The following KCNQ3 variants were observed in gnomAD, a reference collection of about 807,000 sequenced individuals.
The protein encoded by KCNQ3 is potassium voltage-gated channel subfamily KQT member 3.
A neutral mutation model predicts 92.5 loss-of-function variants in KCNQ3; 30 were observed. That is an observed-to-expected ratio of 0.32 (90% CI 0.24 to 0.44). The LOEUF (loss-of-function observed/expected upper bound fraction) is 0.44, where lower values mean the gene tolerates loss of function less well. Ranked by LOEUF, KCNQ3 falls within the 20% of genes least tolerant of loss-of-function variation. The pLI, the probability that KCNQ3 is intolerant of heterozygous loss-of-function variation, is 1.00. For missense variants in KCNQ3, 913 were observed against 1,140.3 expected (o/e 0.80, Z 2.87); for synonymous variants, 450 against 468.8 (o/e 0.96, Z 0.52).
intron 1 of KCNQ3, among the ~76,000 whole-genome samples, chr8:132,343,539 G>T (rs771607342): frequency 2.6e-5 from 4 of 152,114 alleles, no homozygotes; most frequent in Admixed American, 6.6e-5. Context: ...TAAACTCACA[G>T]GAGTCAACCC....
At chr8:132,461,870 T>A (rs1260706380) in intron 1 of KCNQ3, among the ~76,000 whole-genome samples, 2 of 152,378 alleles carry the variant, frequency 1.3e-5, no homozygotes, top group East Asian at 3.9e-4. Flanking sequence ...TTTAATTGAA[T>A]TGTTTTCCTT....
chr8:132,218,041 T>C (rs938763799), intron 1 of KCNQ3, among the ~76,000 whole-genome samples: 4 of 152,156 alleles, frequency 2.6e-5, no homozygotes, highest in Non-Finnish European at 5.9e-5. Context: ...TAATAGAGGA[T>C]GGAAAAACCT....
intron 1 of KCNQ3, among the ~76,000 whole-genome samples, chr8:132,248,844 G>A (rs1171371662): frequency 6.6e-6 from 1 of 152,228 alleles, no homozygotes; most frequent in Non-Finnish European, 1.5e-5. Context: ...TGTTGGGAAA[G>A]AGGTATTTGT....
intron 1 of KCNQ3, among the ~76,000 whole-genome samples, chr8:132,227,166 G>C (rs1464604149): frequency 1.3e-5 from 2 of 150,286 alleles, no homozygotes; most frequent in East Asian, 3.9e-4. Flanking sequence ...TGGTTCAACT[G>C]ATTCTCCTGG....
At chr8:132,479,499 C>A (rs1822492802) in intron 1 of KCNQ3, among the ~76,000 whole-genome samples, 1 of 152,114 alleles carries the variant, frequency 6.6e-6, no homozygotes. Flanking sequence ...TAGACACACA[C>A]GTTCCCATTC....
intron 1 of KCNQ3, among the ~76,000 whole-genome samples, chr8:132,433,356 G>T (rs905903896): frequency 1.3e-5 from 2 of 152,216 alleles, no homozygotes; most frequent in Non-Finnish European, 2.9e-5. Context: ...GAGAAGGACT[G>T]GGAACAGCCA....
chr8:132,223,507 G>GGAGT (rs1814305038), intron 1 of KCNQ3, among the ~76,000 whole-genome samples: 1 of 152,306 alleles, frequency 6.6e-6, no homozygotes, highest in South Asian at 2.1e-4. Context: ...ATTTGTATTA[G>GGAGT]TTATAATTAA....
At chr8:132,425,372 A>T (rs1821081974) in intron 1 of KCNQ3, among the ~76,000 whole-genome samples, 1 of 152,254 alleles carries the variant, frequency 6.6e-6, no homozygotes. Flanking sequence ...CCTTGAGACA[A>T]GTAAATTCTC....
At chr8:132,184,927 G>T (rs1045377529) in intron 2 of KCNQ3, among the ~76,000 whole-genome samples, 12 of 152,212 alleles carry the variant, frequency 7.9e-5, no homozygotes, top group African/African-American at 2.9e-4. Context: ...GGAGAAGAAG[G>T]GATCTCAGGC....
At position 132,249,481 on chromosome 8, in the gene KCNQ3, G is replaced by A. The variant is rs1586864331; in HGVS notation, c.387-63300C>T. Reference sequence around the variant, plus strand: ...AGCTAGACACAGGGTGCTGATTGGTGTGTTTACAAACCTTGAGCTAGACAC... The same window carrying A: ...AGCTAGACACAGGGTGCTGATTGGTATGTTTACAAACCTTGAGCTAGACAC... On this transcript the variant is annotated intron_variant, in intron 1 of 14. Transcript: ENST00000388996. 2.0e-5 allele frequency among the ~76,000 whole-genome samples: 3 copies of A among 149,368 alleles called. No individual in the cohort carries two copies. In the South Asian group the frequency reaches 6.2e-4, roughly 31 times the overall value.
At chr8:132,162,689 A>G (rs1161220405) in intron 9 of KCNQ3, among the ~76,000 whole-genome samples, 1 of 152,226 alleles carries the variant, frequency 6.6e-6, no homozygotes, top group African/African-American at 2.4e-5. Flanking sequence ...ACTGTCAGTA[A>G]TTGTCTCTTC....
chr8:132,184,445 T>C, intron 2 of KCNQ3, 78 bp from the exon 3 acceptor site: 1 of 1,573,186 alleles, frequency 6.4e-7, no homozygotes, highest in African/African-American at 1.3e-5. Context: ...TATTCGGAAG[T>C]TCTGAAGAAC....
chr8:132,144,837 G>A lies in KCNQ3; in HGVS notation c.1263-3506C>T, dbSNP rs72717373. Among the ~76,000 whole-genome samples the A allele has an allele frequency of 5.4e-3, 822 of 152,270 alleles. 4 individuals carry two copies. Among genetic ancestry groups the A allele is most frequent in the Non-Finnish European group, 9.3e-3 (631 of 68,024 alleles). ...CCAAGCATCAGCCCCACATCTGGACGTTCAGTCTAGTGGCTACTGAGATCC... is the reference window on the plus strand; with the variant it reads ...CCAAGCATCAGCCCCACATCTGGACATTCAGTCTAGTGGCTACTGAGATCC... On this transcript the variant is annotated intron_variant, in intron 9 of 14. Coordinates refer to ENST00000388996, the MANE Select transcript of KCNQ3 (RefSeq NM_004519.4).
intron 1 of KCNQ3, among the ~76,000 whole-genome samples, chr8:132,461,980 T>C (rs1222456622): frequency 6.6e-6 from 1 of 152,194 alleles, no homozygotes; most frequent in Non-Finnish European, 1.5e-5. Flanking sequence ...GTCTTTTCAT[T>C]GTCTTAACCA....
At chr8:132,198,499 C>T (rs981726378) in intron 1 of KCNQ3, among the ~76,000 whole-genome samples, 4 of 152,142 alleles carry the variant, frequency 2.6e-5, no homozygotes, top group Non-Finnish European at 4.4e-5. Flanking sequence ...TTCCAAAGTT[C>T]AATTTCCTAT....
In KCNQ3 at chr8:132,303,695, C is replaced by T. The variant is rs147997617; in HGVS notation, c.387-117514G>A. Among the ~76,000 whole-genome samples, 520 of 125,832 alleles carry T rather than the reference C, an allele frequency of 4.1e-3. 10 individuals carry two copies. The highest frequency in any genetic ancestry group is 0.015 in the African/African-American group (499 of 33,004). 82.6% of individuals were successfully genotyped at this position (125,832 alleles called of 152,430 possible). ...ATATATATACACACACACAGCCACA[C>T]CACACACACACATATATATACACCA... On this transcript the variant is annotated intron_variant, in intron 1 of 14. Coordinates refer to ENST00000388996, the MANE Select transcript of KCNQ3 (RefSeq NM_004519.4).
At chr8:132,388,155 T>C (rs1165562538) in intron 1 of KCNQ3, among the ~76,000 whole-genome samples, 1 of 152,094 alleles carries the variant, frequency 6.6e-6, no homozygotes, top group Non-Finnish European at 1.5e-5. Context: ...GTGATATGAC[T>C]TTTTTTTCCA....
intron 1 of KCNQ3, among the ~76,000 whole-genome samples, chr8:132,427,571 G>A (rs1821143043): frequency 6.6e-6 from 1 of 152,204 alleles, no homozygotes; most frequent in African/African-American, 2.4e-5. Flanking sequence ...GCTGTAAGCT[G>A]CATTTGCTCT....
rs1822516861 is a variant in KCNQ3 at position 132,480,231 on chromosome 8, T to C, written c.302A>G (p.Asn101Ser). 1 of 1,613,206 alleles carries C rather than the reference T, an allele frequency of 6.2e-7. No individual in the cohort carries two copies. The highest frequency in any genetic ancestry group is 8.5e-7 in the Non-Finnish European group (1 of 1,179,500). The change falls in exon 1 of 15, where the codon AAC (asparagine) becomes AGC (serine). Residue 101 changes from asparagine to serine, a missense_variant. Physicochemically the swap from Asn to Ser is conservative, Grantham distance 46. Coordinates refer to ENST00000388996, the MANE Select transcript of KCNQ3 (RefSeq NM_004519.4). ...AGTTTGGATGCGCCGGTACTTGGCGTTGTTTCTCTTGACTGGGCGGCTCAG... is the reference window on the plus strand; with the variant it reads ...AGTTTGGATGCGCCGGTACTTGGCGCTGTTTCTCTTGACTGGGCGGCTCAG... The part of the protein sequence containing the change: ...TPLSRPVKRN[N>S]AKYRRIQTLI...
Sources: allele counts gnomAD v4.1 joint callset (sites outside exome capture counted in the v4.1 genomes callset), GRCh38; gene constraint gnomAD v4.1.1; transcripts MANE v1.5; gene names NCBI Gene and HGNC (gene_info 2026-07-23, HGNC 2026-07-21).